The following PLXNA1 variants were observed in gnomAD, a reference collection of about 807,000 sequenced individuals.
PLXNA1 encodes plexin A1.
In PLXNA1, 77 loss-of-function variants were observed where a neutral mutation model predicts 191.7. That is an observed-to-expected ratio of 0.40 (90% CI 0.33 to 0.49). PLXNA1 has a LOEUF of 0.49. Among genes scored for constraint, PLXNA1 ranks in the 20% least tolerant of loss-of-function variants. The probability of loss-of-function intolerance (pLI) is 0.63; values close to 1 mark genes in which losing one functional copy is unlikely to be tolerated. For synonymous variants in PLXNA1, 1,137 were observed against 1,156.4 expected, an observed-to-expected ratio of 0.98 and a Z score of 0.34; for missense variants, 2,110 against 2,660.2, an observed-to-expected ratio of 0.79 and a Z score of 4.55.
chr3:127,016,883 G>A (rs1461463113), intron 16 of PLXNA1, 61 bp from the exon 17 acceptor site: 12 of 1,477,026 alleles, frequency 8.1e-6, no homozygotes, highest in South Asian at 3.6e-5. Context: ...TGTGGCCCAC[G>A]TTTCCAGCTC....
At position 126,989,204 on chromosome 3, in the gene PLXNA1, G is replaced by A; in HGVS notation, c.611G>A (p.Arg204His). The change falls in exon 2 of 32, where the codon CGT becomes CAT. Residue 204 changes from arginine (R) to histidine (H), a missense_variant. Coordinates refer to ENST00000393409, the MANE Select transcript of PLXNA1 (RefSeq NM_032242.4). The stretch of plus-strand genomic sequence containing the variant: ...GAGTACTTCCCCACACTGTCCAGCC[G>A]TCGGCTCATGGCCAACGAGGAGGAT... ...KSEYFPTLSS[R>H]RLMANEEDAD... 1 of 1,613,638 alleles carries A rather than the reference G, an allele frequency of 6.2e-7. No individual in the cohort carries two copies. Among genetic ancestry groups the A allele is most frequent in the East Asian group, 2.2e-5 (1 of 44,878 alleles).
At chr3:126,990,376 G>C (rs1296615632) in intron 2 of PLXNA1, among the ~76,000 whole-genome samples, 2 of 152,236 alleles carry the variant, frequency 1.3e-5, no homozygotes, top group Non-Finnish European at 2.9e-5. Context: ...CAGAGAAAGT[G>C]ACCCTGACTG....
At chr3:127,018,023 T>G in intron 19 of PLXNA1, 131 bp downstream of exon 19, 1 of 1,279,246 alleles carries the variant, frequency 7.8e-7, no homozygotes, top group Non-Finnish European at 1.1e-6. Flanking sequence ...CCGGCTCCAG[T>G]GCAGGCCCTG....
At position 127,029,496 on chromosome 3, in the gene PLXNA1, C is replaced by T; in HGVS notation, c.4830C>T (p.Ile1610=). ...CCAAGCAGACGTCCGCCTACAACAT[C>T]TCCAACTCCTCCACCTTCACCAAGT... The part of the protein sequence containing the change: ...LVPKQTSAYN[I]SNSSTFTKSL... Residue 1610 remains isoleucine (I), a synonymous_variant, in exon 27 of 32, where the codon ATC becomes ATT. Transcript: ENST00000393409. 1 of 1,613,968 alleles carries T rather than the reference C, an allele frequency of 6.2e-7. No individual in the cohort carries two copies. Among genetic ancestry groups the T allele is most frequent in the Non-Finnish European group, 8.5e-7 (1 of 1,179,962 alleles).
rs753653402 is a variant in PLXNA1, at chr3:127,017,675, A to G, written c.3516+11A>G. ...CCACTCATCCTCAAGGTGGGTCACCATTGCCCGTAGGCTGGGCCAAGCCAG... is the reference window on the plus strand; with the variant it reads ...CCACTCATCCTCAAGGTGGGTCACCGTTGCCCGTAGGCTGGGCCAAGCCAG... On this transcript the variant is annotated intron_variant, in intron 18 of 31. Coordinates refer to ENST00000393409, the MANE Select transcript of PLXNA1 (RefSeq NM_032242.4). 11 of 1,613,198 alleles carry G rather than the reference A, an allele frequency of 6.8e-6. No individual in the cohort carries two copies. The highest frequency in any genetic ancestry group is 1.1e-5 in the South Asian group (1 of 91,080).
intron 1 of PLXNA1, among the ~76,000 whole-genome samples, chr3:126,984,276 G>A (rs2078946620): frequency 6.6e-6 from 1 of 152,180 alleles, no homozygotes; most frequent in Non-Finnish European, 1.5e-5. Context: ...CTGGGGCCAC[G>A]CCCCTTGAAA....
At chr3:127,004,467 G>T in intron 4 of PLXNA1, 144 bp from the exon 5 acceptor site, 1 of 671,726 alleles carries the variant, frequency 1.5e-6, no homozygotes, top group Admixed American at 2.4e-5. Context: ...CCAGGGCAGG[G>T]TCACCAGATC....
chr3:126,998,198 G>A (rs1288211731), intron 3 of PLXNA1, among the ~76,000 whole-genome samples: 4 of 152,194 alleles, frequency 2.6e-5, no homozygotes, highest in Non-Finnish European at 4.4e-5. Context: ...GGGCTGCCTC[G>A]GGCACACTAT....
chr3:127,032,640 G>T (rs372050463), intron 30 of PLXNA1, 41 bp downstream of exon 30: 156 of 1,609,862 alleles, frequency 9.7e-5, no homozygotes, highest in Admixed American at 8.8e-4. Flanking sequence ...GGGCCCGGGG[G>T]CAGCCTGGAC....
intron 25 of PLXNA1, chr3:127,028,683 G>A: frequency 1.9e-6 from 1 of 529,490 alleles, no homozygotes; most frequent in Non-Finnish European, 3.4e-6. Context: ...CCGGAGTCCT[G>A]CTGCAGATGT....
At chr3:127,030,176 G>A (rs1012588187) in intron 28 of PLXNA1, 67 bp from the exon 29 acceptor site, 14 of 1,590,778 alleles carry the variant, frequency 8.8e-6, no homozygotes, top group Non-Finnish European at 1.2e-5. Flanking sequence ...CACTTGCCTA[G>A]TCACCCAGGA....
chr3:127,001,884 A>G (rs1185008721), intron 3 of PLXNA1, among the ~76,000 whole-genome samples: 1 of 152,236 alleles, frequency 6.6e-6, no homozygotes, highest in Non-Finnish European at 1.5e-5. Context: ...CCTGGCTGGC[A>G]TCCGCCTGGG....
chr3:126,987,876 G>C (rs1353761005), intron 1 of PLXNA1, among the ~76,000 whole-genome samples: 1 of 152,256 alleles, frequency 6.6e-6, no homozygotes, highest in African/African-American at 2.4e-5. Context: ...GGGTCCCACC[G>C]AGAGCAGCCC....
intron 23 of PLXNA1, chr3:127,027,628 C>A: frequency 1.9e-6 from 1 of 516,458 alleles, no homozygotes; most frequent in Non-Finnish European, 3.7e-6. Flanking sequence ...GTGAAATAGG[C>A]CTCGGCCCTC....
At chr3:126,997,978 C>T (rs2079022335) in intron 3 of PLXNA1, among the ~76,000 whole-genome samples, 1 of 152,206 alleles carries the variant, frequency 6.6e-6, no homozygotes, top group Non-Finnish European at 1.5e-5. Flanking sequence ...CGCCTTCCCC[C>T]ACAGGCACAT....
chr3:126,997,394 G>A (rs527362070), intron 3 of PLXNA1, among the ~76,000 whole-genome samples: 1 of 152,218 alleles, frequency 6.6e-6, no homozygotes, highest in Non-Finnish European at 1.5e-5. Context: ...AGCATGTGGG[G>A]TCAATGGGCA....
intron 23 of PLXNA1, among the ~76,000 whole-genome samples, chr3:127,024,179 C>G (rs2079166363): frequency 6.6e-6 from 1 of 152,140 alleles, no homozygotes; most frequent in Non-Finnish European, 1.5e-5. Context: ...TAACCTGAGT[C>G]CCTGTCTGAT....
chr3:127,028,443 A>G, intron 25 of PLXNA1, 103 bp downstream of exon 25: 1 of 1,325,614 alleles, frequency 7.5e-7, no homozygotes, highest in Non-Finnish European at 1.0e-6. Context: ...CCAGTCCTCC[A>G]CACCAGGCTG....
At chr3:127,025,103 G>A (rs1173875560) in intron 23 of PLXNA1, among the ~76,000 whole-genome samples, 2 of 152,052 alleles carry the variant, frequency 1.3e-5, no homozygotes, top group Non-Finnish European at 2.9e-5. Context: ...GTTTCTGTGC[G>A]GGCTCACTCT....
Sources: allele counts gnomAD v4.1 joint callset (sites outside exome capture counted in the v4.1 genomes callset), GRCh38; gene constraint gnomAD v4.1.1; transcripts MANE v1.5; gene names NCBI Gene and HGNC (gene_info 2026-07-23, HGNC 2026-07-21).